The following ZNF431 variants were observed in gnomAD, a reference collection of about 807,000 sequenced individuals.
The protein encoded by ZNF431 is zinc finger protein 431.
Under a neutral mutation model 57.0 loss-of-function variants are expected in ZNF431, and 34 were observed. The ratio of observed to expected loss-of-function variants is 0.60; its 90% confidence interval spans 0.45 to 0.79. The LOEUF (loss-of-function observed/expected upper bound fraction) is 0.79. Among genes scored for constraint, ZNF431 ranks in the 30% least tolerant of loss-of-function variants. The pLI is 0.00. For missense variants in ZNF431, 607 were observed against 667.1 expected, an observed-to-expected ratio of 0.91 and a Z score of 0.99; for synonymous variants, 207 against 220.3, an observed-to-expected ratio of 0.94 and a Z score of 0.54.
intron 1 of ZNF431, among the ~76,000 whole-genome samples, chr19:21,143,057 C>T (rs1379076998): frequency 6.6e-6 from 1 of 152,134 alleles, no homozygotes; most frequent in Non-Finnish European, 1.5e-5. Context: ...ATTTCTCCAG[C>T]CTCCCTCTGG....
At chr19:21,160,840 A>C (rs1234585686) in intron 2 of ZNF431, among the ~76,000 whole-genome samples, 1 of 152,170 alleles carries the variant, frequency 6.6e-6, no homozygotes, top group Non-Finnish European at 1.5e-5. Context: ...CTTGTGACTC[A>C]AATAAACTAA....
At chr19:21,144,980 A>G (rs1970041608) in intron 2 of ZNF431, among the ~76,000 whole-genome samples, 1 of 151,870 alleles carries the variant, frequency 6.6e-6, no homozygotes, top group Admixed American at 6.6e-5. Context: ...AATGAAAACA[A>G]TAAAATAATA....
At chr19:21,171,347 A>G (rs1970882205) in intron 4 of ZNF431, among the ~76,000 whole-genome samples, 1 of 150,812 alleles carries the variant, frequency 6.6e-6, no homozygotes, top group Admixed American at 6.6e-5. Context: ...TTATGAGTAA[A>G]CATGTCTCTT....
chr19:21,183,077 A>C lies in ZNF431; in HGVS notation c.774A>C (p.Lys258Asn). The C allele has an allele frequency of 6.2e-7, 1 of 1,613,878 alleles. No homozygotes were observed. Residue 258 changes from lysine (K) to asparagine (N), a missense_variant, in exon 5 of 5, where the codon AAA becomes AAC. Coordinates refer to ENST00000311048, the MANE Select transcript of ZNF431 (RefSeq NM_133473.4). The stretch of plus-strand genomic sequence containing the variant: ...ACAAGAGAATTCATACTGGAGAGAA[A>C]CCCTTCAAATGTGAAGAATGTGGCA... ...TRHKRIHTGEKPFKCEECGKA... is the reference protein window; with the variant it reads ...TRHKRIHTGENPFKCEECGKA...
At chr19:21,180,403 C>T (rs893957289) in intron 4 of ZNF431, among the ~76,000 whole-genome samples, 1 of 152,110 alleles carries the variant, frequency 6.6e-6, no homozygotes, top group Non-Finnish European at 1.5e-5. Flanking sequence ...ATTTGCTTGT[C>T]TGAAAAGAAT....
At chr19:21,174,775 T>C (rs1971002622) in intron 4 of ZNF431, among the ~76,000 whole-genome samples, 1 of 152,174 alleles carries the variant, frequency 6.6e-6, no homozygotes, top group Non-Finnish European at 1.5e-5. Flanking sequence ...TATGTATTTT[T>C]ATTTTTATTT....
chr19:21,169,326 G>A (rs955533046), intron 4 of ZNF431, among the ~76,000 whole-genome samples: 2 of 152,070 alleles, frequency 1.3e-5, no homozygotes, highest in Non-Finnish European at 2.9e-5. Context: ...TTTAAAAAAT[G>A]TTCTTGACTA....
In ZNF431 at chr19:21,191,616, A is replaced by C. The variant is rs114593370; in HGVS notation, c.*7582A>C. ...TGAGGGTCTCAATTTTTATCTCTGC[A>C]TGTGGATATAAAGTTTTCTTAATTG... On this transcript the variant is annotated 3_prime_UTR_variant, in exon 5 of 5. Coordinates refer to ENST00000311048, the MANE Select transcript of ZNF431 (RefSeq NM_133473.4). 1 of 152,152 alleles carries C rather than the reference A, an allele frequency of 6.6e-6. No individual in the cohort carries two copies. Among genetic ancestry groups the C allele is most frequent in the Admixed American group, 6.5e-5 (1 of 15,268 alleles). 9.4% of individuals were successfully genotyped at this position (152,152 alleles called of 1,614,324 possible).
intron 3 of ZNF431, among the ~76,000 whole-genome samples, chr19:21,167,111 C>T (rs1970740322): frequency 6.6e-6 from 1 of 151,692 alleles, no homozygotes; most frequent in South Asian, 2.1e-4. Flanking sequence ...GCCCACCTCA[C>T]CCTTCCAAAG....
intron 4 of ZNF431, among the ~76,000 whole-genome samples, chr19:21,170,511 G>A (rs958078316): frequency 6.6e-6 from 1 of 152,128 alleles, no homozygotes; most frequent in African/African-American, 2.4e-5. Flanking sequence ...AAGTAAATTA[G>A]ATAATTGGTA....
At position 21,169,700 on chromosome 19, in the gene ZNF431, AGTT is replaced by A. The variant is rs1393291891; in HGVS notation, c.319+2036_319+2038del. ...GGCAGATACCAGGGCAGATTTCTGC[AGTT>A]GGCTCCTTATATAATGGCCCTATCA... On this transcript the variant is annotated intron_variant, in intron 4 of 4. Transcript: ENST00000311048. The A allele has an allele frequency of 1.0e-5, 4 of 397,844 alleles. No individual in the cohort carries two copies. The Admixed American group carries it at 1.8e-4, about 18-fold the overall frequency. The allele number at this position is 397,844 out of a possible 1,614,324, so 24.6% of individuals were successfully genotyped here. A position where few individuals can be genotyped will look rare whatever the true frequency, so the allele number is the denominator to read the frequency against.
intron 2 of ZNF431, among the ~76,000 whole-genome samples, chr19:21,157,740 T>A (rs1970458041): frequency 1.3e-5 from 2 of 152,130 alleles, no homozygotes; most frequent in South Asian, 4.2e-4. Flanking sequence ...TTCACCATGT[T>A]GGCCAGGTTT....
intron 2 of ZNF431, 71 bp downstream of exon 2, chr19:21,143,714 C>A: frequency 1.7e-6 from 2 of 1,149,478 alleles, no homozygotes; most frequent in South Asian, 1.3e-5. Context: ...CATTGCTGGT[C>A]AGCCAGTCCG....
rs781427425 is a variant in ZNF431 at position 21,143,553 on chromosome 19, C to T, written c.6C>T (p.Asp2=). M[D]DLKYGVYPLK... ...TTCTGGTTTATTTTCTTCCATAGGACGACTTGAAATATGGAGTGTATCCTC... is the reference window on the plus strand; with the variant it reads ...TTCTGGTTTATTTTCTTCCATAGGATGACTTGAAATATGGAGTGTATCCTC... Residue 2 remains aspartate (D), a splice_region_variant and synonymous_variant, in exon 2 of 5, where the codon GAC becomes GAT. Transcript: ENST00000311048. The T allele has an allele frequency of 6.4e-5, 103 of 1,612,308 alleles. No homozygotes were observed. The highest frequency in any genetic ancestry group is 3.3e-4 in the African/African-American group (25 of 74,858).
rs1323382567 is a variant in ZNF431, at chr19:21,187,094, CAAGTCA to C, written c.*3064_*3069del. On this transcript the variant is annotated 3_prime_UTR_variant, in exon 5 of 5. Coordinates refer to ENST00000311048, the MANE Select transcript of ZNF431 (RefSeq NM_133473.4). The stretch of plus-strand genomic sequence containing the variant: ...TCCTGCTGAAGTTAGTTTGTAACTT[CAAGTCA>C]AAGATGAAAAATATCAATGGTGAAG... 6.6e-6 allele frequency: 1 copy of C among 152,054 alleles called. No homozygotes were observed. The highest frequency in any genetic ancestry group is 2.4e-5 in the African/African-American group (1 of 41,400). 9.4% of individuals were successfully genotyped at this position (152,054 alleles called of 1,614,324 possible).
Position 21,183,952 on chromosome 19 carries a change from A to T in ZNF431, c.1649A>T (p.Asn550Ile). Residue 550 changes from asparagine to isoleucine, a missense_variant, in exon 5 of 5, where the codon AAC becomes ATC. Asn to Ile is a moderately radical substitution (Grantham distance 149, BLOSUM62 -3). Transcript: ENST00000311048. ...YNCEECDNTFNQSSNLIKQNN... is the reference protein window; with the variant it reads ...YNCEECDNTFIQSSNLIKQNN... ...TGTGAAGAATGTGACAATACATTTA[A>T]CCAGTCCTCAAACCTTATTAAACAA... 1 of 1,608,456 alleles carries T rather than the reference A, an allele frequency of 6.2e-7. No individual in the cohort carries two copies. The highest frequency in any genetic ancestry group is 8.5e-7 in the Non-Finnish European group (1 of 1,178,074).
rs1020069996 is a variant in ZNF431 at position 21,193,970 on chromosome 19, A to G, written c.*9936A>G. On this transcript the variant is annotated 3_prime_UTR_variant, in exon 5 of 5. Transcript: ENST00000311048. Reference sequence around the variant, plus strand: ...CATTTCTCATTAGAAAAAAAATAAGACTATCTAAACAATTCTATTTAACAT... The same window carrying G: ...CATTTCTCATTAGAAAAAAAATAAGGCTATCTAAACAATTCTATTTAACAT... 6.6e-6 allele frequency: 1 copy of G among 152,202 alleles called. No individual in the cohort carries two copies. Among genetic ancestry groups the G allele is most frequent in the Non-Finnish European group, 1.5e-5 (1 of 68,042 alleles). The allele number at this position is 152,202 out of a possible 1,614,324, so 9.4% of individuals were successfully genotyped here.
rs550272532 is a variant in ZNF431 at position 21,146,285 on chromosome 19, C to G, written c.96+2642C>G. ...ATTAGCCAGGCTTGGTGGTGCACAC[C>G]TGTAATCCCAGCTACTCAGGAGACT... On this transcript the variant is annotated intron_variant, in intron 2 of 4. Transcript: ENST00000311048. Among the ~76,000 whole-genome samples, 433 of 152,058 alleles carry G rather than the reference C, an allele frequency of 2.8e-3. 2 individuals are homozygous for G. The highest frequency in any genetic ancestry group is 0.01 in the African/African-American group (419 of 41,484).
In ZNF431 at chr19:21,189,615, T is replaced by C. The variant is rs1411910248; in HGVS notation, c.*5581T>C. The C allele has an allele frequency of 3.1e-6, 1 of 321,380 alleles. No individual in the cohort carries two copies. Among genetic ancestry groups the C allele is most frequent in the East Asian group, 4.8e-5 (1 of 20,882 alleles). The allele number at this position is 321,380 out of a possible 1,614,324, so 19.9% of individuals were successfully genotyped here. Reference sequence around the variant, plus strand: ...TTGTGCAATAAATCTCTTGAACTTATTTCTTCCATTTGACTATAATTATGT... The same window carrying C: ...TTGTGCAATAAATCTCTTGAACTTACTTCTTCCATTTGACTATAATTATGT... On this transcript the variant is annotated 3_prime_UTR_variant, in exon 5 of 5. Transcript: ENST00000311048.
Sources: allele counts gnomAD v4.1 joint callset (sites outside exome capture counted in the v4.1 genomes callset), GRCh38; gene constraint gnomAD v4.1.1; transcripts MANE v1.5; gene names NCBI Gene and HGNC (gene_info 2026-07-23, HGNC 2026-07-21).